The following PRIMA1 variants were observed in gnomAD, a reference collection of about 807,000 sequenced individuals.
PRIMA1 encodes proline-rich membrane anchor 1.
A neutral mutation model predicts 17.5 loss-of-function variants in PRIMA1; 7 were observed. That is an observed-to-expected ratio of 0.40 (90% CI 0.23 to 0.75). The LOEUF is 0.75. Among genes scored for constraint, PRIMA1 ranks in the 30% least tolerant of loss-of-function variants. PRIMA1 has a pLI of 0.37. For synonymous variants in PRIMA1, 97 were observed against 77.9 expected (o/e 1.25, Z -1.29); for missense variants, 200 against 201.8 (o/e 0.99, Z 0.05).
At chr14:93,781,844 G>A (rs1197477234) in intron 2 of PRIMA1, among the ~76,000 whole-genome samples, 1 of 151,930 alleles carries the variant, frequency 6.6e-6, no homozygotes, top group Non-Finnish European at 1.5e-5. Flanking sequence ...CCAGGGTGGT[G>A]CACGCCTGTA....
chr14:93,788,586 CG>C (rs749681275), upstream of PRIMA1: 1 of 152,384 alleles, frequency 6.6e-6, no homozygotes, highest in Non-Finnish European at 1.5e-5. Context: ...CGCGGGCGCC[CG>C]GGGGCTTCAC....
chr14:93,746,767 A>G (rs901637089), intron 3 of PRIMA1, among the ~76,000 whole-genome samples: 69 of 152,074 alleles, frequency 4.5e-4, no homozygotes, highest in African/African-American at 9.2e-4. Context: ...GGCGGTGAGG[A>G]AAGGTCAGAG....
At chr14:93,733,462 C>A (rs944461341) in intron 4 of PRIMA1, among the ~76,000 whole-genome samples, 2 of 152,160 alleles carry the variant, frequency 1.3e-5, no homozygotes, top group Non-Finnish European at 2.9e-5. Flanking sequence ...ACAGCTGCAA[C>A]TCAGCCCTCG....
chr14:93,736,431 T>C (rs2076150499), intron 4 of PRIMA1, among the ~76,000 whole-genome samples: 2 of 152,210 alleles, frequency 1.3e-5, no homozygotes, highest in African/African-American at 4.8e-5. Context: ...ATTACAGTTA[T>C]GCCTGTGTTA....
chr14:93,754,728 T>C (rs1030140293), intron 3 of PRIMA1, among the ~76,000 whole-genome samples: 2 of 152,214 alleles, frequency 1.3e-5, no homozygotes, highest in Non-Finnish European at 2.9e-5. Flanking sequence ...CCAGTGGACA[T>C]TGAGCCCCTC....
At chr14:93,747,800 G>GC in intron 3 of PRIMA1, among the ~76,000 whole-genome samples, 1 of 6,564 alleles carries the variant, frequency 1.5e-4, no homozygotes, top group Non-Finnish European at 8.1e-4. Flanking sequence ...GAGAGTGTAA[G>GC]GGGACTGAGT....
intron 4 of PRIMA1, among the ~76,000 whole-genome samples, chr14:93,727,055 C>T (rs1240116675): frequency 1.3e-5 from 2 of 152,194 alleles, no homozygotes; most frequent in African/African-American, 4.8e-5. Flanking sequence ...GAGGGCGTCA[C>T]CGTGAGAAGC....
In PRIMA1 at chr14:93,737,292, G is replaced by A. The variant is rs186053781; in HGVS notation, c.308C>T (p.Ser103Phe). ...LVIIIAVCCA[S>F]LVFLTVLVII... Reference sequence around the variant, plus strand: ...GACAAGCACAGTCAGAAACACCAGGGAGGCACAGCATACGGCAATGATGAT... The same window carrying A: ...GACAAGCACAGTCAGAAACACCAGGAAGGCACAGCATACGGCAATGATGAT... Residue 103 changes from serine to phenylalanine, a missense_variant, in exon 4 of 5, where the codon TCC becomes TTC. Physicochemically the swap from Ser to Phe is radical, Grantham distance 155 (BLOSUM62 -2). Coordinates refer to ENST00000393140, the MANE Select transcript of PRIMA1 (RefSeq NM_178013.4). 8.4e-5 allele frequency: 135 copies of A among 1,614,194 alleles called. 1 individual carries two copies. The highest frequency in any genetic ancestry group is 4.1e-5 in the Non-Finnish European group (48 of 1,180,040).
In PRIMA1 at chr14:93,775,470, G is replaced by GT. The variant is rs201277349; in HGVS notation, c.229+3705dup. Among the ~76,000 whole-genome samples the GT allele has an allele frequency of 3.2e-3, 480 of 152,166 alleles. 6 individuals are homozygous for GT. Among genetic ancestry groups the GT allele is most frequent in the Admixed American group, 0.027 (412 of 15,282 alleles). On this transcript the variant is annotated intron_variant, in intron 3 of 4. Coordinates refer to ENST00000393140, the MANE Select transcript of PRIMA1 (RefSeq NM_178013.4). ...CTTCAGGGTTATATAGCAGGCACTTGTTTTTTTTGTTTGTTTTGTTGTTTT... is the reference window on the plus strand; with the variant it reads ...CTTCAGGGTTATATAGCAGGCACTTGTTTTTTTTTGTTTGTTTTGTTGTTTT...
intron 4 of PRIMA1, among the ~76,000 whole-genome samples, chr14:93,724,624 C>T (rs2076062727): frequency 6.6e-6 from 1 of 152,148 alleles, no homozygotes; most frequent in South Asian, 2.1e-4. Context: ...ATCCTGTGCT[C>T]CCCAGTGAGG....
chr14:93,737,605 C>T (rs1336667445), intron 3 of PRIMA1, among the ~76,000 whole-genome samples: 1 of 151,798 alleles, frequency 6.6e-6, no homozygotes, highest in African/African-American at 2.4e-5. Context: ...CTAACAGAGG[C>T]GTGGGGAGGT....
chr14:93,780,208 G>T (rs1885340582), intron 2 of PRIMA1, among the ~76,000 whole-genome samples: 1 of 152,226 alleles, frequency 6.6e-6, no homozygotes, highest in African/African-American at 2.4e-5. Flanking sequence ...TGACCTCACA[G>T]ATGTGTCTCT....
At chr14:93,741,566 G>A (rs758596342) in intron 3 of PRIMA1, among the ~76,000 whole-genome samples, 8 of 152,224 alleles carry the variant, frequency 5.3e-5, no homozygotes, top group African/African-American at 9.6e-5. Flanking sequence ...TAAATCAGAC[G>A]TAAACTATGC....
chr14:93,750,774 C>G (rs1342931064), intron 3 of PRIMA1, among the ~76,000 whole-genome samples: 1 of 152,116 alleles, frequency 6.6e-6, no homozygotes, highest in Non-Finnish European at 1.5e-5. Context: ...TTGTATTTTG[C>G]AAGTAAACAA....
At chr14:93,759,734 A>G (rs1239985832) in intron 3 of PRIMA1, among the ~76,000 whole-genome samples, 1 of 152,152 alleles carries the variant, frequency 6.6e-6, no homozygotes, top group African/African-American at 2.4e-5. Flanking sequence ...CTCCTGGTGG[A>G]GTGAGAAGGC....
At position 93,749,106 on chromosome 14, in the gene PRIMA1, T is replaced by C. The variant is rs149887721; in HGVS notation, c.230-11736A>G. Among the ~76,000 whole-genome samples, 361 of 152,326 alleles carry C rather than the reference T, an allele frequency of 2.4e-3. 1 individual carries two copies. Among genetic ancestry groups the C allele is most frequent in the Middle Eastern group, 3.4e-3 (1 of 294 alleles). On this transcript the variant is annotated intron_variant, in intron 3 of 4. Coordinates refer to ENST00000393140, the MANE Select transcript of PRIMA1 (RefSeq NM_178013.4). Reference sequence around the variant, plus strand: ...TTACTCAACAGCATCTACTCTCTTTTAGTAGCTGCATTCCACCCTTTTTCT... The same window carrying C: ...TTACTCAACAGCATCTACTCTCTTTCAGTAGCTGCATTCCACCCTTTTTCT...
intron 2 of PRIMA1, 83 bp from the exon 3 acceptor site, chr14:93,779,394 C>T: frequency 3.3e-6 from 4 of 1,215,742 alleles, no homozygotes; most frequent in Non-Finnish European, 3.4e-6. Context: ...GCCACCCCGT[C>T]CCCTGCCAGG....
In PRIMA1 at chr14:93,726,162, G is replaced by A. The variant is rs567861109; in HGVS notation, c.360-4616C>T. Among the ~76,000 whole-genome samples, 1 of 152,136 alleles carries A rather than the reference G, an allele frequency of 6.6e-6. No homozygotes were observed. The highest frequency in any genetic ancestry group is 2.4e-5 in the African/African-American group (1 of 41,434). ...ACATTCCCTGCTCGGAGTGCCGCGC[G>A]GACAGCTCCAGCCGCACATGCCAGC... On this transcript the variant is annotated intron_variant, in intron 4 of 4. Transcript: ENST00000393140. The surrounding 1 kb of genome is among the most constrained non-coding windows in gnomAD (Gnocchi z 4.2).
intron 4 of PRIMA1, among the ~76,000 whole-genome samples, chr14:93,722,732 T>C (rs1388832331): frequency 6.9e-6 from 1 of 144,066 alleles, no homozygotes; most frequent in East Asian, 1.9e-4. Flanking sequence ...GTTGTGATGG[T>C]TGGGTTAACA....
Sources: gnomAD v4.1 joint callset for allele counts (sites outside exome capture counted in the v4.1 genomes callset) on GRCh38, gnomAD v4.1.1 for gene constraint, Gnocchi (gnomAD v3.1) non-coding constraint, MANE v1.5 for transcripts, NCBI Gene and HGNC (gene_info 2026-07-23, HGNC 2026-07-21) for gene names.